The following CCDC60 variants were observed in gnomAD, a reference collection of about 807,000 sequenced individuals.
CCDC60 encodes the protein coiled-coil domain-containing protein 60.
A neutral mutation model predicts 63.5 loss-of-function variants in CCDC60; 54 were observed. The ratio of observed to expected loss-of-function variants is 0.85; its 90% CI spans 0.68 to 1.07. CCDC60 has a LOEUF of 1.07. Ranked by LOEUF, CCDC60 falls within the 50% of genes least tolerant of loss-of-function variation. CCDC60 has a pLI of 0.00. For synonymous variants in CCDC60, 206 were observed against 238.8 expected, an observed-to-expected ratio of 0.86 and a Z score of 1.27; for missense variants, 651 against 684.3, an observed-to-expected ratio of 0.95 and a Z score of 0.54.
rs545918533 is a variant in CCDC60, at chr12:119,350,342, C to T, written c.90+15076C>T. On this transcript the variant is annotated intron_variant, in intron 1 of 13. Transcript: ENST00000327554. ...CCTCCCAAGTAGCTGGGATTATAGG[C>T]GCATACCACAACACCCAGCTAATTT... Among the ~76,000 whole-genome samples, 31 of 152,114 alleles carry T rather than the reference C, an allele frequency of 2.0e-4. No individual in the cohort carries two copies. The South Asian group carries it at 2.5e-3, about 12-fold the overall frequency.
rs183950492 is a variant in CCDC60 at position 119,515,157 on chromosome 12, A to T, written c.884-1466A>T. Among the ~76,000 whole-genome samples the T allele has an allele frequency of 2.6e-5, 4 of 152,320 alleles. No individual in the cohort carries two copies. The East Asian group carries it at 7.7e-4, about 29-fold the overall frequency. The stretch of plus-strand genomic sequence containing the variant: ...TCTCAAGATGGGTCCCCATTGTTAA[A>T]TGACACAATGGTCATTACATCTGCA... On this transcript the variant is annotated intron_variant, in intron 7 of 13. Transcript: ENST00000327554.
In CCDC60 at chr12:119,361,198, C is replaced by CAAGAGG. The variant is rs71451840; in HGVS notation, c.90+25932_90+25933insAAGAGG. ...AGGGAGAGGGAGAGGGAGAGGGAGACGAGAGGGAGAGGGAGAGGGAGAGCT... is the reference window on the plus strand; with the variant it reads ...AGGGAGAGGGAGAGGGAGAGGGAGACAAGAGGGAGAGGGAGAGGGAGAGGGAGAGCT... On this transcript the variant is annotated intron_variant, in intron 1 of 13. Coordinates refer to ENST00000327554, the MANE Select transcript of CCDC60 (RefSeq NM_178499.5). 1.8e-5 allele frequency among the ~76,000 whole-genome samples: 2 copies of CAAGAGG among 109,926 alleles called. 1 individual carries two copies. The highest frequency in any genetic ancestry group is 3.5e-5 in the Non-Finnish European group (2 of 56,652). 72.1% of individuals were successfully genotyped at this position (109,926 alleles called of 152,430 possible). A position where few individuals can be genotyped will look rare whatever the true frequency, so the allele number is the denominator to read the frequency against.
chr12:119,437,415 G>A (rs1459181137), intron 2 of CCDC60, among the ~76,000 whole-genome samples: 3 of 152,158 alleles, frequency 2.0e-5, no homozygotes, highest in South Asian at 4.1e-4. Context: ...CCACCATGGA[G>A]TAGAATGGTT....
At chr12:119,406,532 G>C (rs1049317081) in intron 1 of CCDC60, among the ~76,000 whole-genome samples, 3 of 152,098 alleles carry the variant, frequency 2.0e-5, no homozygotes, top group Non-Finnish European at 4.4e-5. Context: ...ATGTGACAAG[G>C]TCATACTCCT....
chr12:119,388,643 T>G (rs1236106760), intron 1 of CCDC60, among the ~76,000 whole-genome samples: 1 of 152,238 alleles, frequency 6.6e-6, no homozygotes, highest in African/African-American at 2.4e-5. Context: ...CTCTTTTCAT[T>G]GATTTGCAAA....
intron 4 of CCDC60, among the ~76,000 whole-genome samples, chr12:119,483,344 T>C (rs904303436): frequency 2.0e-5 from 3 of 152,250 alleles, no homozygotes; most frequent in Non-Finnish European, 4.4e-5. Context: ...AGTCCCTGTG[T>C]GATCGATCCC....
At chr12:119,386,946 T>C (rs540975047) in intron 1 of CCDC60, among the ~76,000 whole-genome samples, 1 of 151,976 alleles carries the variant, frequency 6.6e-6, no homozygotes, top group African/African-American at 2.4e-5. Flanking sequence ...TCTCCAGAAT[T>C]GTGTACATCA....
chr12:119,504,957 G>A, intron 6 of CCDC60, 112 bp from the exon 7 acceptor site: 1 of 710,072 alleles, frequency 1.4e-6, no homozygotes, highest in Non-Finnish European at 2.3e-6. Context: ...TCAGACCCAG[G>A]CTTTGCTTTT....
At chr12:119,400,894 G>C (rs1388210750) in intron 1 of CCDC60, among the ~76,000 whole-genome samples, 1 of 152,212 alleles carries the variant, frequency 6.6e-6, no homozygotes, top group Non-Finnish European at 1.5e-5. Flanking sequence ...CCTGGTTGCT[G>C]TCAGAAGCCA....
chr12:119,531,021 G>A lies in CCDC60; in HGVS notation c.1509G>A (p.Arg503=). The A allele has an allele frequency of 1.2e-6, 2 of 1,614,148 alleles. No individual in the cohort carries two copies. The highest frequency in any genetic ancestry group is 1.7e-6 in the Non-Finnish European group (2 of 1,180,004). ...TCCTGAAGGTGCTGCAGGATCTGAGGATTTGGGAACTGTGCTCCCCTGACA... is the reference window on the plus strand; with the variant it reads ...TCCTGAAGGTGCTGCAGGATCTGAGAATTTGGGAACTGTGCTCCCCTGACA... ...HVLLKVLQDL[R]IWELCSPDIA... The change falls in exon 13 of 14, where the codon AGG becomes AGA. Residue 503 remains arginine, a synonymous_variant. Transcript: ENST00000327554.
intron 1 of CCDC60, among the ~76,000 whole-genome samples, chr12:119,392,912 T>G (rs1388655559): frequency 6.6e-6 from 1 of 152,174 alleles, no homozygotes; most frequent in African/African-American, 2.4e-5. Flanking sequence ...CCCAGCACTT[T>G]GGGAAGCCAA....
chr12:119,413,410 T>TCAC (rs1476656214), intron 1 of CCDC60, among the ~76,000 whole-genome samples: 4 of 152,228 alleles, frequency 2.6e-5, no homozygotes, highest in Non-Finnish European at 5.9e-5. Context: ...GACCATCGGG[T>TCAC]CACTGACAGT....
chr12:119,460,329 C>T (rs1436712384), intron 2 of CCDC60, among the ~76,000 whole-genome samples: 1 of 152,204 alleles, frequency 6.6e-6, no homozygotes, highest in Non-Finnish European at 1.5e-5. Context: ...TTTCTTAATA[C>T]TATATTTTAT....
chr12:119,435,453 A>C (rs1302120703), intron 2 of CCDC60, among the ~76,000 whole-genome samples: 1 of 152,314 alleles, frequency 6.6e-6, no homozygotes, highest in East Asian at 1.9e-4. Flanking sequence ...AGGAGTGTCC[A>C]CTTTGACTTA....
At chr12:119,476,206 T>G (rs11064810) in intron 3 of CCDC60, among the ~76,000 whole-genome samples, 15,131 of 152,150 alleles carry the variant, frequency 0.099, 1,005 homozygotes, top group East Asian at 0.3. Flanking sequence ...TTTCCCACTG[T>G]GCTCAGTGAC....
Position 119,410,530 on chromosome 12 carries a change from G to A in CCDC60, c.91-18153G>A, listed in dbSNP as rs1425487981. On this transcript the variant is annotated intron_variant, in intron 1 of 13. Coordinates refer to ENST00000327554, the MANE Select transcript of CCDC60 (RefSeq NM_178499.5). This position sits in a 1 kb window ranked among gnomAD's most constrained non-coding sequence, Gnocchi z 4.0. ...CTTCAGGAATGTTCTCTCCTGCCTC[G>A]TGACATCAGGAAAACCTTCATCACC... Among the ~76,000 whole-genome samples the A allele has an allele frequency of 6.6e-6, 1 of 151,354 alleles. No homozygotes were observed. Among genetic ancestry groups the A allele is most frequent in the South Asian group, 2.1e-4 (1 of 4,790 alleles).
At chr12:119,537,020 C>T (rs1045478210) in intron 13 of CCDC60, among the ~76,000 whole-genome samples, 3 of 152,152 alleles carry the variant, frequency 2.0e-5, no homozygotes, top group Non-Finnish European at 4.4e-5. Context: ...CAACTTGGTT[C>T]CATTCTCCCC....
At chr12:119,340,319 G>A (rs1482712065) in intron 1 of CCDC60, among the ~76,000 whole-genome samples, 1 of 152,152 alleles carries the variant, frequency 6.6e-6, no homozygotes, top group Non-Finnish European at 1.5e-5. Flanking sequence ...TTAAATGGTA[G>A]CCACCATTAC....
At chr12:119,374,257 G>A (rs1467114260) in intron 1 of CCDC60, among the ~76,000 whole-genome samples, 1 of 152,004 alleles carries the variant, frequency 6.6e-6, no homozygotes, top group East Asian at 1.9e-4. Context: ...GTTATTGTGA[G>A]GATTAAATAG....
Sources: allele counts gnomAD v4.1 joint callset (sites outside exome capture counted in the v4.1 genomes callset), GRCh38; gene constraint gnomAD v4.1.1; non-coding constraint Gnocchi (gnomAD v3.1); transcripts MANE v1.5; gene names NCBI Gene and HGNC (gene_info 2026-07-23, HGNC 2026-07-21).